The following BTBD1 variants were observed in gnomAD, a reference collection of about 807,000 sequenced individuals.
BTBD1 encodes BTB domain containing 1, also known as BTB/POZ domain-containing protein 1.
A neutral mutation model predicts 48.0 loss-of-function variants in BTBD1; 34 were observed. The ratio of observed to expected loss-of-function variants is 0.71; its 90% CI spans 0.54 to 0.94. The LOEUF (loss-of-function observed/expected upper bound fraction) is 0.94. Among genes scored for constraint, BTBD1 ranks in the 40% least tolerant of loss-of-function variants. The pLI, the probability that BTBD1 is intolerant of heterozygous loss-of-function variation, is 0.00. For missense variants in BTBD1, 543 were observed against 625.6 expected, an observed-to-expected ratio of 0.87 and a Z score of 1.41; for synonymous variants, 261 against 242.1, an observed-to-expected ratio of 1.08 and a Z score of -0.72.
chr15:83,044,334 C>G, intron 3 of BTBD1: 1 of 1,268,958 alleles, frequency 7.9e-7, no homozygotes, highest in Non-Finnish European at 1.1e-6. Context: ...CCGACGGCAA[C>G]CCTGCTCTGC....
chr15:83,049,700 T>C (rs888322919), intron 3 of BTBD1, among the ~76,000 whole-genome samples: 23 of 152,182 alleles, frequency 1.5e-4, no homozygotes, highest in African/African-American at 4.6e-4. Flanking sequence ...CAGGTATTAA[T>C]GCCCTCTCTT....
chr15:83,051,875 T>TACACACACAC (rs1187803458), intron 2 of BTBD1, among the ~76,000 whole-genome samples: 49 of 43,726 alleles, frequency 1.1e-3, no homozygotes, highest in African/African-American at 1.8e-3. Flanking sequence ...TTTCCATATA[T>TACACACACAC]ATACACACAC....
chr15:83,040,929 G>A (rs2032742904), intron 4 of BTBD1, among the ~76,000 whole-genome samples: 1 of 151,724 alleles, frequency 6.6e-6, no homozygotes, highest in East Asian at 1.9e-4. Flanking sequence ...CACTTTGGGA[G>A]GCTTGAGCCC....
At chr15:83,036,030 T>C (rs1295104037) in intron 4 of BTBD1, among the ~76,000 whole-genome samples, 1 of 140,882 alleles carries the variant, frequency 7.1e-6, no homozygotes, top group East Asian at 2.1e-4. Context: ...GAATCCAAAA[T>C]AGGTTTAAAT....
intron 6 of BTBD1, 27 bp from the exon 7 acceptor site, chr15:83,018,880 T>C (rs1399906898): frequency 2.5e-6 from 4 of 1,599,020 alleles, no homozygotes; most frequent in Non-Finnish European, 3.4e-6. Flanking sequence ...ACAAGTTACA[T>C]TTAAGTTAAA....
intron 4 of BTBD1, among the ~76,000 whole-genome samples, chr15:83,036,103 C>CAAAAAA (rs563839312): frequency 3.9e-4 from 29 of 75,080 alleles, no homozygotes; most frequent in Non-Finnish European, 4.1e-4. Flanking sequence ...GTATCATTAC[C>CAAAAAA]AAAAAAAAAA....
chr15:83,064,548 T>C (rs1053934874), intron 1 of BTBD1, among the ~76,000 whole-genome samples: 2 of 152,184 alleles, frequency 1.3e-5, no homozygotes, highest in African/African-American at 4.8e-5. Context: ...ATTCTTATCC[T>C]AGTAATCTCA....
intron 3 of BTBD1, among the ~76,000 whole-genome samples, chr15:83,049,300 T>C (rs1596440763): frequency 6.6e-6 from 1 of 152,156 alleles, no homozygotes; most frequent in East Asian, 1.9e-4. Flanking sequence ...GAAACTAGAG[T>C]GCCTGGAGAA....
chr15:83,029,513 G>C, intron 5 of BTBD1: 1 of 152,098 alleles, frequency 6.6e-6, no homozygotes, highest in East Asian at 1.9e-4. Context: ...CCCTAAGCCT[G>C]TAAAAATAAC....
At chr15:83,047,949 A>G (rs1442883501) in intron 3 of BTBD1, among the ~76,000 whole-genome samples, 1 of 152,194 alleles carries the variant, frequency 6.6e-6, no homozygotes, top group Non-Finnish European at 1.5e-5. Context: ...TTTTATTTAT[A>G]AAGATCATTC....
chr15:83,056,245 A>G (rs2033079239), intron 2 of BTBD1, 144 bp downstream of exon 2: 3 of 566,376 alleles, frequency 5.3e-6, no homozygotes, highest in Admixed American at 3.1e-5. Context: ...CATATCTGAC[A>G]TGTTTCCCTG....
chr15:83,033,967 A>G (rs1227741243), intron 4 of BTBD1, among the ~76,000 whole-genome samples: 11 of 151,950 alleles, frequency 7.2e-5, no homozygotes, highest in Non-Finnish European at 1.6e-4. Flanking sequence ...TAATAATAAA[A>G]GAATCTTTAA....
chr15:83,019,756 A>C lies in BTBD1; in HGVS notation c.1144-903T>G, dbSNP rs554283758. 2.2e-3 allele frequency among the ~76,000 whole-genome samples: 326 copies of C among 150,628 alleles called. 1 individual carries two copies. The highest frequency in any genetic ancestry group is 7.2e-3 in the African/African-American group (295 of 41,008). On this transcript the variant is annotated intron_variant, in intron 6 of 7. Coordinates refer to ENST00000261721, the MANE Select transcript of BTBD1 (RefSeq NM_025238.4). Reference sequence around the variant, plus strand: ...ATTACAGGCATGCACCACCATGCCCAGCTAATTTTTTTGTATTTTTAGTAG... The same window carrying C: ...ATTACAGGCATGCACCACCATGCCCCGCTAATTTTTTTGTATTTTTAGTAG...
intron 4 of BTBD1, among the ~76,000 whole-genome samples, chr15:83,033,761 T>C (rs1464598020): frequency 6.6e-6 from 1 of 151,990 alleles, no homozygotes; most frequent in East Asian, 1.9e-4. Flanking sequence ...AATTTTTTTT[T>C]GTAAAGACAG....
chr15:83,064,830 T>C (rs954771000), intron 1 of BTBD1, among the ~76,000 whole-genome samples: 1 of 152,300 alleles, frequency 6.6e-6, no homozygotes, highest in East Asian at 1.9e-4. Context: ...AACTTTAAAC[T>C]AAAATGACCT....
chr15:83,054,114 G>A (rs1329329499), intron 2 of BTBD1, among the ~76,000 whole-genome samples: 1 of 152,244 alleles, frequency 6.6e-6, no homozygotes, highest in Non-Finnish European at 1.5e-5. Context: ...CAAGGCAGGT[G>A]GATCACTTGA....
intron 4 of BTBD1, 21 bp downstream of exon 4, chr15:83,041,707 T>C: frequency 6.2e-7 from 1 of 1,608,710 alleles, no homozygotes; most frequent in South Asian, 1.1e-5. Context: ...CAAATAGATT[T>C]TGGTGAATTT....
chr15:83,022,108 C>A (rs1264592807), intron 5 of BTBD1: 2 of 151,930 alleles, frequency 1.3e-5, no homozygotes, highest in Non-Finnish European at 2.9e-5. Flanking sequence ...TACAGTGGTA[C>A]AATCATGGCT....
In BTBD1 at chr15:83,018,867, G is replaced by A. The variant is rs778257108; in HGVS notation, c.1144-14C>T. Reference sequence around the variant, plus strand: ...ATATTCAATGATCTGTAATTTTTAAGAGACAAGTTACATTTAAGTTAAACC... The same window carrying A: ...ATATTCAATGATCTGTAATTTTTAAAAGACAAGTTACATTTAAGTTAAACC... On this transcript the variant is annotated splice_polypyrimidine_tract_variant and intron_variant, in intron 6 of 7. Coordinates refer to ENST00000261721, the MANE Select transcript of BTBD1 (RefSeq NM_025238.4). 4 of 1,607,202 alleles carry A rather than the reference G, an allele frequency of 2.5e-6. No homozygotes were observed. The South Asian group carries it at 4.4e-5, about 18-fold the overall frequency.
Sources: allele counts gnomAD v4.1 joint callset (sites outside exome capture counted in the v4.1 genomes callset), GRCh38; gene constraint gnomAD v4.1.1; transcripts MANE v1.5; gene names NCBI Gene and HGNC (gene_info 2026-07-23, HGNC 2026-07-21).